KIF11: variants seen among roughly 807,000 people sequenced by gnomAD.
The protein encoded by KIF11 is kinesin family member 11.
KIF11 carries 9 observed loss-of-function variants against 121.0 expected under a neutral mutation model. The ratio of observed to expected loss-of-function variants is 0.07; its 90% CI spans 0.04 to 0.13. The LOEUF (loss-of-function observed/expected upper bound fraction) is 0.13. Among genes scored for constraint, KIF11 ranks in the 10% least tolerant of loss-of-function variants. The probability of loss-of-function intolerance (pLI) is 1.00; values close to 1 mark genes in which losing one functional copy is unlikely to be tolerated. For missense variants in KIF11, 846 were observed against 1,217.5 expected (o/e 0.69, Z 4.54); for synonymous variants, 408 against 421.0 (o/e 0.97, Z 0.38).
chr10:92,623,057 G>A (rs1448605123), intron 10 of KIF11, among the ~76,000 whole-genome samples: 1 of 152,198 alleles, frequency 6.6e-6, no homozygotes, highest in Non-Finnish European at 1.5e-5. Context: ...TTCAACATGA[G>A]ATTTCAGTGG....
intron 1 of KIF11, 145 bp downstream of exon 1, chr10:92,593,597 C>G (rs905310234): frequency 1.5e-6 from 1 of 666,500 alleles, no homozygotes; most frequent in African/African-American, 1.8e-5. Flanking sequence ...AAAAATGACA[C>G]CCGGTTGCTG....
rs181088617 is a variant in KIF11, at chr10:92,624,681, A to G, written c.1217+3208A>G. On this transcript the variant is annotated intron_variant, in intron 10 of 21. Coordinates refer to ENST00000260731, the MANE Select transcript of KIF11 (RefSeq NM_004523.4). ...AGTGCTATGATGAACATATGTGTGC[A>G]TGTGTCTTTATGGTAGAACAATTTA... Among the ~76,000 whole-genome samples the G allele has an allele frequency of 3.9e-3, 598 of 151,894 alleles. 11 individuals are homozygous for G. The highest frequency in any genetic ancestry group is 8.5e-4 in the Non-Finnish European group (58 of 68,000).
intron 1 of KIF11, among the ~76,000 whole-genome samples, chr10:92,600,283 G>A (rs1002974490): frequency 6.6e-6 from 1 of 152,040 alleles, no homozygotes; most frequent in Non-Finnish European, 1.5e-5. Flanking sequence ...GATTACAGGC[G>A]TGAGCCACTG....
At chr10:92,609,561 A>C in intron 6 of KIF11, 52 bp downstream of exon 6, 1 of 1,546,246 alleles carries the variant, frequency 6.5e-7, no homozygotes. Context: ...AAGAAGAATT[A>C]GGAACTTGGA....
At chr10:92,602,807 AAC>A (rs112100552) in intron 1 of KIF11, among the ~76,000 whole-genome samples, 12,569 of 137,724 alleles carry the variant, frequency 0.091, 647 homozygotes, top group Non-Finnish European at 0.12. Context: ...TGGTTACTTA[AAC>A]ACACACACAC....
At chr10:92,616,159 C>A (rs889440090) in intron 8 of KIF11, among the ~76,000 whole-genome samples, 8 of 151,596 alleles carry the variant, frequency 5.3e-5, no homozygotes, top group African/African-American at 1.9e-4. Context: ...TTTGTTTATT[C>A]ATCAGTTGGT....
At chr10:92,610,378 T>TA (rs1471934084) in intron 6 of KIF11, among the ~76,000 whole-genome samples, 1 of 152,196 alleles carries the variant, frequency 6.6e-6, no homozygotes. Context: ...AATTCCTTTT[T>TA]AAAAAATTGT....
chr10:92,616,464 G>A (rs1844558489), intron 8 of KIF11, among the ~76,000 whole-genome samples: 1 of 151,936 alleles, frequency 6.6e-6, no homozygotes, highest in African/African-American at 2.4e-5. Context: ...CCTCCAAAGT[G>A]CTGGAATTAC....
intron 13 of KIF11, 93 bp from the exon 14 acceptor site, chr10:92,633,530 G>A: frequency 1.2e-6 from 1 of 835,232 alleles, no homozygotes; most frequent in South Asian, 1.6e-5. Context: ...TCTACAACAA[G>A]GGTATACTTT....
chr10:92,635,996 A>G (rs554974925), intron 14 of KIF11, among the ~76,000 whole-genome samples: 2 of 145,464 alleles, frequency 1.4e-5, no homozygotes, highest in Admixed American at 6.7e-5. Flanking sequence ...AGGAGATTAG[A>G]TCAGGATTTT....
intron 5 of KIF11, 84 bp from the exon 6 acceptor site, chr10:92,609,301 A>AGAGAGAGAGAGAGT: frequency 5.0e-6 from 3 of 598,354 alleles, no homozygotes; most frequent in Non-Finnish European, 6.5e-6. Flanking sequence ...AGAGAGAGAG[A>AGAGAGAGAGAGAGT]GAGTGTGTGT....
At chr10:92,603,644 G>T (rs1844399982) in intron 1 of KIF11, among the ~76,000 whole-genome samples, 1 of 152,024 alleles carries the variant, frequency 6.6e-6, no homozygotes, top group South Asian at 2.1e-4. Flanking sequence ...GAGCCACTGT[G>T]CCTGGCCTAA....
intron 9 of KIF11, 44 bp from the exon 10 acceptor site, chr10:92,621,341 G>GA: frequency 8.2e-7 from 1 of 1,216,186 alleles, no homozygotes; most frequent in Non-Finnish European, 1.2e-6. Context: ...CAAACTGAAT[G>GA]AAAAAAGTAC....
chr10:92,636,159 T>G (rs1460964891), intron 14 of KIF11, among the ~76,000 whole-genome samples: 1 of 152,268 alleles, frequency 6.6e-6, no homozygotes, highest in African/African-American at 2.4e-5. Context: ...AGGGCTAATC[T>G]TGATGACTAC....
In KIF11 at chr10:92,609,613, C is replaced by A. The variant is rs978410816; in HGVS notation, c.698+104C>A. 5.0e-5 allele frequency: 54 copies of A among 1,071,808 alleles called. No individual in the cohort carries two copies. In the Admixed American group the frequency reaches 1.3e-3, roughly 26 times the overall value. The allele number at this position is 1,071,808 out of a possible 1,614,324, so 66.4% of individuals were successfully genotyped here. A position where few individuals can be genotyped will look rare whatever the true frequency, so the allele number is the denominator to read the frequency against. On this transcript the variant is annotated intron_variant, in intron 6 of 21. Transcript: ENST00000260731. ...TGGGTCAGGGTATGTGGGTCACGTA[C>A]CTAGAGTTTGTGTTATAAGGAGGGG...
In KIF11 at chr10:92,606,590, A is replaced by ATT. The variant is rs11393423; in HGVS notation, c.211-17_211-16dup. On this transcript the variant is annotated intron_variant, in intron 2 of 21. Transcript: ENST00000260731. ...ATTAAAATGAGTAATTTTGAGGTTG[A>ATT]TTTTTTTTTTTTTAATTTTTTTCGT... is the stretch of plus-strand genomic sequence containing the variant. 0.01 allele frequency: 11,471 copies of ATT among 1,108,522 alleles called. 22 individuals carry two copies. Among genetic ancestry groups the ATT allele is most frequent in the African/African-American group, 0.032 (1,975 of 61,594 alleles). 68.7% of individuals were successfully genotyped at this position (1,108,522 alleles called of 1,614,324 possible). A position where few individuals can be genotyped will look rare whatever the true frequency, so the allele number is the denominator to read the frequency against.
chr10:92,622,413 G>A (rs12254289), intron 10 of KIF11, among the ~76,000 whole-genome samples: 13,207 of 152,164 alleles, frequency 0.087, 656 homozygotes, highest in Middle Eastern at 0.11. Flanking sequence ...TCAGGAGTTC[G>A]AGACCAGCCT....
At chr10:92,643,852 A>T (rs773353580) in intron 17 of KIF11, among the ~76,000 whole-genome samples, 3 of 152,120 alleles carry the variant, frequency 2.0e-5, no homozygotes, top group Non-Finnish European at 4.4e-5. Context: ...CTTCTGTTGA[A>T]CAGTGCTGTT....
intron 1 of KIF11, among the ~76,000 whole-genome samples, chr10:92,594,733 C>T (rs1844273092): frequency 6.6e-6 from 1 of 152,134 alleles, no homozygotes. Context: ...TTCCTCCAGC[C>T]ACTGTTAACC....
Sources: gnomAD v4.1 joint callset for allele counts (sites outside exome capture counted in the v4.1 genomes callset) on GRCh38, gnomAD v4.1.1 for gene constraint, MANE v1.5 for transcripts, NCBI Gene and HGNC (gene_info 2026-07-23, HGNC 2026-07-21) for gene names.